DUSP8: variants seen among roughly 807,000 people sequenced by gnomAD.
DUSP8 encodes dual specificity phosphatase 8.
Under a neutral mutation model 38.7 loss-of-function variants are expected in DUSP8, and 15 were observed. The observed-to-expected ratio is 0.39, with a 90% confidence interval of 0.26 to 0.60. The LOEUF (loss-of-function observed/expected upper bound fraction) is 0.60, where lower values mean the gene tolerates loss of function less well. Ranked by LOEUF, DUSP8 falls within the 20% of genes least tolerant of loss-of-function variation. The pLI is 0.56. For synonymous variants in DUSP8, 458 were observed against 433.9 expected (o/e 1.06, Z -0.69); for missense variants, 768 against 915.0 (o/e 0.84, Z 2.07).
chr11:1,572,234 G>C lies in DUSP8; in HGVS notation c.-442C>G, dbSNP rs1024762659. 3.4e-5 allele frequency among the ~76,000 whole-genome samples: 5 copies of C among 147,008 alleles called. No homozygotes were observed. Among genetic ancestry groups the C allele is most frequent in the African/African-American group, 4.9e-5 (2 of 40,684 alleles). ...CGTCCGGCGTCCGGCGGGGCGTCGT[G>C]GGGGGAGCCGGCTCGGCCGCCGCGC... is the stretch of plus-strand genomic sequence containing the variant. On this transcript the variant is annotated 5_prime_UTR_variant, in exon 1 of 7. Transcript: ENST00000397374. The surrounding 1 kb of genome is among the most constrained non-coding windows in gnomAD (Gnocchi z 4.7).
chr11:1,571,677 T>A (rs1848900094), intron 1 of DUSP8: 1 of 151,190 alleles, frequency 6.6e-6, no homozygotes. Context: ...GGGCGTGGGC[T>A]GGGCCCGGGT....
Position 1,565,613 on chromosome 11 carries a change from G to A in DUSP8, c.214C>T (p.Pro72Ser). ...CTGGGTACCTGGCTGCGTGCAGCCG[G>A]CTGGATGAGCTCCGCAATGGTCACC... ...GKVTIAELIQ[P>S]AARSQVEATE... Residue 72 changes from proline to serine, a missense_variant, in exon 2 of 7, where the codon CCG (proline) becomes TCG (serine). This residue lies in a region of DUSP8 where 252 missense variants were observed against 410.4 expected (regional missense o/e 0.61). Coordinates refer to ENST00000397374, the MANE Select transcript of DUSP8 (RefSeq NM_004420.3). 1.2e-6 allele frequency: 2 copies of A among 1,605,020 alleles called. No homozygotes were observed. Among genetic ancestry groups the A allele is most frequent in the Middle Eastern group, 1.7e-4 (1 of 5,996 alleles).
At position 1,556,878 on chromosome 11, in the gene DUSP8, C is replaced by T. The variant is rs1176584246; in HGVS notation, c.1518G>A (p.Gly506=). Residue 506 remains glycine, a synonymous_variant, in exon 7 of 7, where the codon GGG becomes GGA. Coordinates refer to ENST00000397374, the MANE Select transcript of DUSP8 (RefSeq NM_004420.3). The surrounding 1 kb of genome is among the most constrained non-coding windows in gnomAD (Gnocchi z 5.2). ...GGGAGTCGAGCGGCGGTGCCCAGGC[C>T]CCGGGGCCGGCCGGCTGGCCAGGGC... is the stretch of plus-strand genomic sequence containing the variant. ...LPGPGQPAGP[G]AWAPPLDSPG... 6 of 1,110,636 alleles carry T rather than the reference C, an allele frequency of 5.4e-6. No individual in the cohort carries two copies. The highest frequency in any genetic ancestry group is 5.1e-5 in the Admixed American group (1 of 19,582). 68.8% of individuals were successfully genotyped at this position (1,110,636 alleles called of 1,614,324 possible).
chr11:1,557,813 A>T lies in DUSP8; in HGVS notation c.802T>A (p.Ser268Thr). 6.2e-7 allele frequency: 1 copy of T among 1,613,442 alleles called. No homozygotes were observed. The highest frequency in any genetic ancestry group is 8.5e-7 in the Non-Finnish European group (1 of 1,179,996). ...TGGTACCTGTAGGCGTCGTCGGAGG[A>T]CATGCCCATGGTCTTCATGATGTAG... ...IAYIMKTMGM[S>T]SDDAYRFVKD... Residue 268 changes from serine to threonine, a missense_variant, in exon 6 of 7, where the codon TCC (serine) becomes ACC (threonine). Transcript: ENST00000397374. The surrounding 1 kb of genome is among the most constrained non-coding windows in gnomAD (Gnocchi z 9.9).
At chr11:1,566,822 A>G (rs11601096) in intron 1 of DUSP8, among the ~76,000 whole-genome samples, 6,772 of 152,120 alleles carry the variant, frequency 0.045, 191 homozygotes, top group Middle Eastern at 0.092. Context: ...CATGGCCTGC[A>G]AAGGCCTCAG....
In DUSP8 at chr11:1,570,352, G is replaced by A. The variant is rs1050859818; in HGVS notation, c.-109+1549C>T. Among the ~76,000 whole-genome samples the A allele has an allele frequency of 3.3e-5, 5 of 152,288 alleles. No homozygotes were observed. The South Asian group carries it at 6.2e-4, about 19-fold the overall frequency. ...GGGCCTCAGCGGGTGCAGTTCTCAT[G>A]GCCAGAGTCCAACCACCTCTCTCTC... On this transcript the variant is annotated intron_variant, in intron 1 of 6. Coordinates refer to ENST00000397374, the MANE Select transcript of DUSP8 (RefSeq NM_004420.3).
chr11:1,568,808 C>A (rs553520867), intron 1 of DUSP8, among the ~76,000 whole-genome samples: 2 of 152,336 alleles, frequency 1.3e-5, no homozygotes, highest in Middle Eastern at 6.8e-3. Context: ...GAAGGGCTGG[C>A]CGAGTGCCCC....
In DUSP8 at chr11:1,556,077, G is replaced by C. The variant is rs1423055247; in HGVS notation, c.*441C>G. 1 of 152,872 alleles carries C rather than the reference G, an allele frequency of 6.5e-6. No individual in the cohort carries two copies. The highest frequency in any genetic ancestry group is 6.5e-5 in the Admixed American group (1 of 15,310). The allele number at this position is 152,872 out of a possible 1,614,324, so 9.5% of individuals were successfully genotyped here. ...GCCGGCGCAGAGAAGGGAGGGAGCA[G>C]GGGAGGTGGGTGGGGGGAGAAGGGG... is the stretch of plus-strand genomic sequence containing the variant. On this transcript the variant is annotated 3_prime_UTR_variant, in exon 7 of 7. Transcript: ENST00000397374. This position sits in a 1 kb window ranked among gnomAD's most constrained non-coding sequence, Gnocchi z 5.2.
At position 1,558,336 on chromosome 11, in the gene DUSP8, G is replaced by A. The variant is rs1001537058; in HGVS notation, c.538-65C>T. The A allele has an allele frequency of 5.3e-6, 7 of 1,329,748 alleles. No individual in the cohort carries two copies. The African/African-American group carries it at 8.7e-5, about 17-fold the overall frequency. 82.4% of individuals were successfully genotyped at this position (1,329,748 alleles called of 1,614,324 possible). ...AGCTCGGGGCGGGAGTGAAGGTGGA[G>A]GCTTTTCCTGCCCTGCCGTCAGGAG... On this transcript the variant is annotated intron_variant, in intron 4 of 6. Transcript: ENST00000397374. The surrounding 1 kb of genome is among the most constrained non-coding windows in gnomAD (Gnocchi z 6.3).
chr11:1,560,087 C>T (rs2133435808), intron 3 of DUSP8, among the ~76,000 whole-genome samples: 1 of 152,306 alleles, frequency 6.6e-6, no homozygotes, highest in Non-Finnish European at 1.5e-5. Flanking sequence ...TGGTGGCTGC[C>T]AGCTCTTGGG....
At chr11:1,559,325 G>GAGAT in intron 3 of DUSP8, 1 of 452,058 alleles carries the variant, frequency 2.2e-6, no homozygotes, top group Non-Finnish European at 3.9e-6. Flanking sequence ...TGAGGACGCC[G>GAGAT]CTAGGATGCC....
chr11:1,556,762 G>A lies in DUSP8; in HGVS notation c.1634C>T (p.Ala545Val), dbSNP rs1848631456. ...GGVLFAPFGR[A>V]GAPGPGGGSD... ...GCCGCCGCCTGGTCCCGGGGCGCCC[G>A]CCCGGCCGAAGGGCGCAAACAGCAC... The change falls in exon 7 of 7, where the codon GCG (alanine) becomes GTG (valine). Residue 545 changes from alanine (A) to valine (V), a missense_variant. By Grantham distance (64) the Ala-to-Val change is moderately conservative. Coordinates refer to ENST00000397374, the MANE Select transcript of DUSP8 (RefSeq NM_004420.3). The surrounding 1 kb of genome is among the most constrained non-coding windows in gnomAD (Gnocchi z 5.2). The A allele has an allele frequency of 3.3e-6, 4 of 1,198,600 alleles. No individual in the cohort carries two copies. In the South Asian group the frequency reaches 1.6e-4, roughly 49 times the overall value. 74.2% of individuals were successfully genotyped at this position (1,198,600 alleles called of 1,614,324 possible).
rs752773045 is a variant in DUSP8 at position 1,570,893 on chromosome 11, AC to A, written c.-109+1007del. Among the ~76,000 whole-genome samples, 6 of 151,276 alleles carry A rather than the reference AC, an allele frequency of 4.0e-5. 1 individual carries two copies. Among genetic ancestry groups the A allele is most frequent in the Non-Finnish European group, 1.5e-5 (1 of 67,772 alleles). ...TGCCGGGGTTTGGATCTCCCCTCAG[AC>A]CCCCCGCTGGGGCACAAAAGGAGCT... On this transcript the variant is annotated intron_variant, in intron 1 of 6. Coordinates refer to ENST00000397374, the MANE Select transcript of DUSP8 (RefSeq NM_004420.3).
intron 3 of DUSP8, among the ~76,000 whole-genome samples, chr11:1,561,658 C>T (rs1053578852): frequency 2.0e-5 from 3 of 152,366 alleles, no homozygotes; most frequent in East Asian, 1.9e-4. Flanking sequence ...GTTTCTCTCC[C>T]GCTTCCCGCA....
Position 1,555,204 on chromosome 11 carries a change from C to T in DUSP8, c.*1314G>A. Reference sequence around the variant, plus strand: ...GGCAGCAGGCTGACCCACCTGGGCCCAAAAGCCACTTGTGTTTGGGGGCTG... The same window carrying T: ...GGCAGCAGGCTGACCCACCTGGGCCTAAAAGCCACTTGTGTTTGGGGGCTG... On this transcript the variant is annotated 3_prime_UTR_variant, in exon 7 of 7. Transcript: ENST00000397374. 3 of 987,808 alleles carry T rather than the reference C, an allele frequency of 3.0e-6. No homozygotes were observed. The highest frequency in any genetic ancestry group is 3.6e-6 in the Non-Finnish European group (3 of 830,194). The allele number at this position is 987,808 out of a possible 1,614,324, so 61.2% of individuals were successfully genotyped here.
intron 2 of DUSP8, among the ~76,000 whole-genome samples, chr11:1,564,203 G>A (rs150462178): frequency 1.3e-5 from 2 of 152,354 alleles, no homozygotes; most frequent in Non-Finnish European, 1.5e-5. Context: ...CACACAGCAA[G>A]CCATGGGGGC....
Position 1,556,723 on chromosome 11 carries a change from C to T in DUSP8, c.1673G>A (p.Arg558Gln), listed in dbSNP as rs1177134604. The T allele has an allele frequency of 1.6e-6, 2 of 1,232,446 alleles. No homozygotes were observed. The highest frequency in any genetic ancestry group is 3.7e-5 in the South Asian group (1 of 26,920). The allele number at this position is 1,232,446 out of a possible 1,614,324, so 76.3% of individuals were successfully genotyped here. ...GGGCTCAGCCCTCGCTGCCTCCCGC[C>T]GCCGCAGGTCGCTGCCGCCGCCTGG... is the stretch of plus-strand genomic sequence containing the variant. ...PGPGGGSDLR[R>Q]REAARAEPRD... Residue 558 changes from arginine (R) to glutamine (Q), a missense_variant, in exon 7 of 7, where the codon CGG (arginine) becomes CAG (glutamine). By Grantham distance (43) the Arg-to-Gln change is conservative. This residue lies in a region of DUSP8 where 474 missense variants were observed against 430.8 expected (regional missense o/e 1.10). Coordinates refer to ENST00000397374, the MANE Select transcript of DUSP8 (RefSeq NM_004420.3). The surrounding 1 kb of genome is among the most constrained non-coding windows in gnomAD (Gnocchi z 5.2).
At position 1,557,307 on chromosome 11, in the gene DUSP8, C is replaced by T; in HGVS notation, c.1089G>A (p.Thr363=). Reference sequence around the variant, plus strand: ...GCTGCAGTGCGCTGGTCGCCGGGGGCGTGGGGGGCGCGGGGGGCTCCCCGC... The same window carrying T: ...GCTGCAGTGCGCTGGTCGCCGGGGGTGTGGGGGGCGCGGGGGGCTCCCCGC... ...SAGGEPPAPP[T]PPATSALQQG... Residue 363 remains threonine, a synonymous_variant, in exon 7 of 7, where the codon ACG becomes ACA. Coordinates refer to ENST00000397374, the MANE Select transcript of DUSP8 (RefSeq NM_004420.3). The surrounding 1 kb of genome is among the most constrained non-coding windows in gnomAD (Gnocchi z 9.9). 1 of 1,473,832 alleles carries T rather than the reference C, an allele frequency of 6.8e-7. No homozygotes were observed. 91.3% of individuals were successfully genotyped at this position (1,473,832 alleles called of 1,614,324 possible).
At chr11:1,559,162 C>A (rs1848681332) in intron 3 of DUSP8, 107 bp from the exon 4 acceptor site, 1 of 1,167,566 alleles carries the variant, frequency 8.6e-7, no homozygotes, top group Non-Finnish European at 1.2e-6. Flanking sequence ...GAGGATCAGT[C>A]ACACCCAGCC....
Sources: allele counts gnomAD v4.1 joint callset (sites outside exome capture counted in the v4.1 genomes callset), GRCh38; gene constraint gnomAD v4.1.1; regional missense constraint gnomAD v4.1.1; non-coding constraint Gnocchi (gnomAD v3.1); transcripts MANE v1.5; gene names NCBI Gene and HGNC (gene_info 2026-07-23, HGNC 2026-07-21).